The following TAMM41 variants were observed in gnomAD, a reference collection of about 807,000 sequenced individuals.
The protein encoded by TAMM41 is TAM41 mitochondrial translocator assembly and maintenance homolog.
Under a neutral mutation model 44.1 loss-of-function variants are expected in TAMM41, and 36 were observed. The ratio of observed to expected loss-of-function variants is 0.82; its 90% CI spans 0.63 to 1.08. TAMM41 has a LOEUF of 1.08. Ranked by LOEUF, TAMM41 falls within the 50% of genes least tolerant of loss-of-function variation. The probability of loss-of-function intolerance (pLI) is 0.00; values close to 1 mark genes in which losing one functional copy is unlikely to be tolerated. For synonymous variants in TAMM41, 164 were observed against 153.1 expected, an observed-to-expected ratio of 1.07 and a Z score of -0.53; for missense variants, 417 against 404.3, an observed-to-expected ratio of 1.03 and a Z score of -0.27.
At chr3:11,774,945 C>A in the TAMM41 span, among the ~76,000 whole-genome samples, 2 of 149,776 alleles carry the variant, frequency 1.3e-5, no homozygotes, top group African/African-American at 4.9e-5. Context: ...CTCGGCTTAC[C>A]GCAATCTCCG....
chr3:11,776,964 C>A, the TAMM41 span, among the ~76,000 whole-genome samples: 1 of 152,202 alleles, frequency 6.6e-6, no homozygotes, highest in African/African-American at 2.4e-5. Context: ...AACTCATAAA[C>A]ACAGTAGAAT....
chr3:11,760,034 C>A, the TAMM41 span, among the ~76,000 whole-genome samples: 8 of 152,278 alleles, frequency 5.3e-5, no homozygotes, highest in African/African-American at 1.7e-4. Context: ...AAAACCCACA[C>A]AAAGTGGACA....
chr3:11,771,308 AAC>A, the TAMM41 span: 1 of 152,188 alleles, frequency 6.6e-6, no homozygotes, highest in Non-Finnish European at 1.5e-5. Flanking sequence ...CACAGGCAAT[AAC>A]CTGTGGCCTC....
the TAMM41 span, among the ~76,000 whole-genome samples, chr3:11,758,192 G>A: frequency 1.3e-5 from 2 of 152,198 alleles, no homozygotes; most frequent in African/African-American, 2.4e-5. Context: ...TAGAGAGCCC[G>A]CATCTCAAGG....
chr3:11,800,609 AG>A (rs2077725055), intron 7 of TAMM41, among the ~76,000 whole-genome samples: 1 of 151,970 alleles, frequency 6.6e-6, no homozygotes, highest in Non-Finnish European at 1.5e-5. Context: ...GTTCACCAAA[AG>A]GGTACAGCAA....
the TAMM41 span, among the ~76,000 whole-genome samples, chr3:11,746,166 T>G: frequency 6.6e-6 from 1 of 152,018 alleles, no homozygotes; most frequent in Non-Finnish European, 1.5e-5. Flanking sequence ...TCAGGAGTGG[T>G]GGTGGGCACC....
intron 7 of TAMM41, among the ~76,000 whole-genome samples, chr3:11,800,166 AAAAC>A (rs916618263): frequency 2.6e-5 from 4 of 152,222 alleles, no homozygotes; most frequent in African/African-American, 9.6e-5. Flanking sequence ...CAGTTCTTAT[AAAAC>A]AATCTCACAA....
chr3:11,740,946 C>T, the TAMM41 span, among the ~76,000 whole-genome samples: 5 of 142,930 alleles, frequency 3.5e-5, no homozygotes, highest in East Asian at 4.4e-4. Context: ...CCAGGCCGGG[C>T]GTGGTGGCTC....
chr3:11,820,185 A>G (rs1013624162), intron 4 of TAMM41, among the ~76,000 whole-genome samples: 8 of 152,208 alleles, frequency 5.3e-5, no homozygotes, highest in Non-Finnish European at 2.9e-5. Flanking sequence ...ACGTATAAAA[A>G]TGGATTCCAT....
intron 7 of TAMM41, among the ~76,000 whole-genome samples, chr3:11,797,968 C>A (rs2077650614): frequency 1.3e-5 from 2 of 152,046 alleles, no homozygotes; most frequent in African/African-American, 2.4e-5. Flanking sequence ...TCACAGCAGT[C>A]AGAATGGTTG....
At chr3:11,801,547 A>G (rs1270965146) in intron 7 of TAMM41, among the ~76,000 whole-genome samples, 1 of 152,088 alleles carries the variant, frequency 6.6e-6, no homozygotes, top group East Asian at 1.9e-4. Flanking sequence ...GCTGGTTTCA[A>G]ACTCCTAGGC....
the TAMM41 span, among the ~76,000 whole-genome samples, chr3:11,725,425 T>TCTTTCCTCCTCC: frequency 1.9e-3 from 130 of 68,082 alleles, no homozygotes; most frequent in African/African-American, 9.5e-3. Flanking sequence ...TTCTTCTTCT[T>TCTTTCCTCCTCC]TCCTCCTCCT....
intron 5 of TAMM41, among the ~76,000 whole-genome samples, chr3:11,813,825 T>C (rs2078168262): frequency 7.6e-6 from 1 of 131,278 alleles, no homozygotes; most frequent in Non-Finnish European, 1.6e-5. Context: ...TGGGTACAAA[T>C]ATATGTGTGT....
At chr3:11,829,949 C>A (rs2078916518) in intron 3 of TAMM41, 85 bp from the exon 4 acceptor site, 8 of 1,340,566 alleles carry the variant, frequency 6.0e-6, no homozygotes, top group Non-Finnish European at 8.4e-6. Context: ...GGAACTATCT[C>A]AAACTCTCTT....
Position 11,829,955 on chromosome 3 carries a change from C to G in TAMM41, c.412-91G>C. 2.4e-6 allele frequency: 3 copies of G among 1,273,030 alleles called. No individual in the cohort carries two copies. The East Asian group carries it at 7.0e-5, about 30-fold the overall frequency. 78.9% of individuals were successfully genotyped at this position (1,273,030 alleles called of 1,614,324 possible). On this transcript the variant is annotated intron_variant, in intron 3 of 7. Transcript: ENST00000455809. ...AAATGCACTGGAACTATCTCAAACT[C>G]TCTTCCCACTGAAGATCTTGGAATA...
chr3:11,746,643 TAA>T, the TAMM41 span, among the ~76,000 whole-genome samples: 25,582 of 151,488 alleles, frequency 0.17, 4,282 homozygotes, highest in African/African-American at 0.44. Context: ...TATTTATTAT[TAA>T]TTAATTTATT....
intron 7 of TAMM41, among the ~76,000 whole-genome samples, chr3:11,795,553 A>G (rs1290093378): frequency 6.6e-6 from 1 of 152,130 alleles, no homozygotes; most frequent in African/African-American, 2.4e-5. Flanking sequence ...CTGCCCTTCC[A>G]TTTGATCTCT....
the TAMM41 span, among the ~76,000 whole-genome samples, chr3:11,763,714 G>A: frequency 2.2e-4 from 34 of 152,214 alleles, no homozygotes; most frequent in African/African-American, 3.1e-4. Context: ...GGGTGTTATC[G>A]TTCATGTTTT....
At chr3:11,777,577 T>G in the TAMM41 span, among the ~76,000 whole-genome samples, 1 of 152,194 alleles carries the variant, frequency 6.6e-6, no homozygotes, top group African/African-American at 2.4e-5. Context: ...GTGGATCATT[T>G]GCGATCCAGA....
Sources: allele counts gnomAD v4.1 joint callset (sites outside exome capture counted in the v4.1 genomes callset), GRCh38; gene constraint gnomAD v4.1.1; transcripts MANE v1.5; gene names NCBI Gene and HGNC (gene_info 2026-07-23, HGNC 2026-07-21).